Variants in DENND2A observed in about 807,000 individuals in gnomAD.
DENND2A encodes DENN domain containing 2A, also known as DENN domain-containing protein 2A.
In DENND2A, 53 loss-of-function variants were observed where a neutral mutation model predicts 105.3. The observed-to-expected ratio is 0.50, with a 90% CI of 0.40 to 0.63. The LOEUF (loss-of-function observed/expected upper bound fraction) is 0.63, where lower values mean the gene tolerates loss of function less well. Among genes scored for constraint, DENND2A ranks in the 30% least tolerant of loss-of-function variants. The pLI is 0.00. For synonymous variants in DENND2A, 522 were observed against 508.4 expected, an observed-to-expected ratio of 1.03 and a Z score of -0.36; for missense variants, 1,138 against 1,279.6, an observed-to-expected ratio of 0.89 and a Z score of 1.69.
At chr7:140,521,825 C>G (rs1322801864) in intron 18 of DENND2A, 30 bp downstream of exon 18, 8 of 1,610,058 alleles carry the variant, frequency 5.0e-6, no homozygotes, top group Non-Finnish European at 6.8e-6. Context: ...CTCTAGCTGA[C>G]TCGGCCCCAA....
At chr7:140,564,769 T>A (rs944413563) in intron 9 of DENND2A, among the ~76,000 whole-genome samples, 1 of 152,232 alleles carries the variant, frequency 6.6e-6, no homozygotes, top group Non-Finnish European at 1.5e-5. Context: ...TAATGCTTCC[T>A]TGATTCCTAC....
chr7:140,631,745 T>C (rs1158271170), intron 1 of DENND2A, among the ~76,000 whole-genome samples: 1 of 152,104 alleles, frequency 6.6e-6, no homozygotes, highest in Non-Finnish European at 1.5e-5. Flanking sequence ...ACCACACACT[T>C]CATGACAAAT....
chr7:140,579,826 A>G (rs1798460855), intron 5 of DENND2A, among the ~76,000 whole-genome samples: 1 of 152,142 alleles, frequency 6.6e-6, no homozygotes, highest in Admixed American at 6.6e-5. Flanking sequence ...ACACATAAAT[A>G]CACATATACA....
chr7:140,585,805 C>G, intron 4 of DENND2A, 95 bp from the exon 5 acceptor site: 1 of 1,566,516 alleles, frequency 6.4e-7, no homozygotes, highest in Non-Finnish European at 8.7e-7. Flanking sequence ...CTCCTGTGTC[C>G]ATTCTTGTAG....
chr7:140,604,147 G>A (rs565232072), intron 2 of DENND2A, among the ~76,000 whole-genome samples: 3 of 152,294 alleles, frequency 2.0e-5, no homozygotes, highest in Non-Finnish European at 4.4e-5. Context: ...AGATCTGACC[G>A]CATGGAAATT....
chr7:140,573,711 G>A, intron 6 of DENND2A, 97 bp downstream of exon 6: 17 of 1,354,588 alleles, frequency 1.3e-5, no homozygotes, highest in Admixed American at 2.1e-5. Flanking sequence ...GTGGGAGAGG[G>A]GCCAGTGATG....
At chr7:140,620,590 T>C (rs1800252262) in intron 1 of DENND2A, among the ~76,000 whole-genome samples, 1 of 152,184 alleles carries the variant, frequency 6.6e-6, no homozygotes, top group Non-Finnish European at 1.5e-5. Flanking sequence ...AGGGGGAATA[T>C]AAACGCTGCT....
intron 1 of DENND2A, among the ~76,000 whole-genome samples, chr7:140,639,634 T>A (rs1801108418): frequency 6.6e-6 from 1 of 152,266 alleles, no homozygotes; most frequent in African/African-American, 2.4e-5. Context: ...ACAAGATTAC[T>A]GTAGCACGCC....
intron 3 of DENND2A, among the ~76,000 whole-genome samples, chr7:140,594,396 T>C (rs1799197860): frequency 6.6e-6 from 1 of 152,206 alleles, no homozygotes; most frequent in African/African-American, 2.4e-5. Flanking sequence ...GATGCAGTCT[T>C]TCCTGTCTCA....
At chr7:140,570,695 A>G (rs1394150603) in intron 6 of DENND2A, among the ~76,000 whole-genome samples, 1 of 152,208 alleles carries the variant, frequency 6.6e-6, no homozygotes, top group African/African-American at 2.4e-5. Context: ...GACACATCCC[A>G]AGCCTCCAAG....
chr7:140,574,068 A>T, intron 5 of DENND2A, 60 bp from the exon 6 acceptor site: 2 of 1,579,728 alleles, frequency 1.3e-6, no homozygotes, highest in South Asian at 2.2e-5. Context: ...ACCGGGGGAT[A>T]ACTGGTGGTG....
At chr7:140,562,475 C>T (rs555054695) in intron 9 of DENND2A, among the ~76,000 whole-genome samples, 101 of 152,120 alleles carry the variant, frequency 6.6e-4, no homozygotes, top group African/African-American at 2.3e-3. Context: ...TCCTGGCTAA[C>T]ATGGTGAAAC....
intron 1 of DENND2A, among the ~76,000 whole-genome samples, chr7:140,609,165 C>A (rs1799796296): frequency 1.3e-5 from 2 of 152,202 alleles, no homozygotes; most frequent in Admixed American, 6.5e-5. Flanking sequence ...TCCCACTCAA[C>A]TGCTTTCCAT....
intron 9 of DENND2A, among the ~76,000 whole-genome samples, chr7:140,562,751 G>A (rs1032642669): frequency 1.3e-5 from 2 of 152,290 alleles, no homozygotes; most frequent in East Asian, 3.9e-4. Context: ...AAGCCATGGG[G>A]TGCCACTAAT....
chr7:140,635,661 G>A (rs1459314899), intron 1 of DENND2A, among the ~76,000 whole-genome samples: 1 of 152,164 alleles, frequency 6.6e-6, no homozygotes, highest in East Asian at 1.9e-4. Context: ...CCTTCCCCAA[G>A]GCCAGGGGAA....
At chr7:140,542,467 C>T (rs1328869721) in intron 14 of DENND2A, among the ~76,000 whole-genome samples, 17 of 151,980 alleles carry the variant, frequency 1.1e-4, no homozygotes, top group Admixed American at 1.1e-3. Context: ...CTTCTGTGAG[C>T]TGGCCTCTGT....
intron 14 of DENND2A, among the ~76,000 whole-genome samples, chr7:140,538,780 A>G (rs1434216532): frequency 2.6e-5 from 4 of 151,692 alleles, no homozygotes; most frequent in Admixed American, 2.0e-4. Flanking sequence ...TGCTGGGATT[A>G]CAGGGATGAG....
Position 140,569,670 on chromosome 7 carries a change from C to T in DENND2A, c.1515G>A (p.Gln505=). 6.2e-7 allele frequency: 1 copy of T among 1,613,590 alleles called. No homozygotes were observed. Among genetic ancestry groups the T allele is most frequent in the South Asian group, 1.1e-5 (1 of 91,078 alleles). The change falls in exon 7 of 20, where the codon CAG becomes CAA. Residue 505 remains glutamine, a synonymous_variant. Transcript: ENST00000496613. ...CTTTTCCTGAGTTGCTCTCCATTGA[C>T]TGGGACAGCCTCTTCACCCGTTTCT... ...RGKKRVKRLS[Q]SMESNSGKVT... is the part of the protein sequence containing the mutation.
intron 9 of DENND2A, among the ~76,000 whole-genome samples, chr7:140,565,053 A>G (rs570199277): frequency 4.6e-5 from 7 of 152,302 alleles, no homozygotes; most frequent in African/African-American, 1.7e-4. Flanking sequence ...GTTTACTTCA[A>G]TCTACATAAT....
Sources: allele counts gnomAD v4.1 joint callset (sites outside exome capture counted in the v4.1 genomes callset), GRCh38; gene constraint gnomAD v4.1.1; transcripts MANE v1.5; gene names NCBI Gene and HGNC (gene_info 2026-07-23, HGNC 2026-07-21).